PKNOX1: variants seen among roughly 807,000 people sequenced by gnomAD.
PKNOX1 encodes the protein homeobox protein PKNOX1.
Under a neutral mutation model 51.9 loss-of-function variants are expected in PKNOX1, and 15 were observed. The observed-to-expected ratio is 0.29, with a 90% CI of 0.19 to 0.45. The LOEUF (loss-of-function observed/expected upper bound fraction) is 0.45, where lower values mean the gene tolerates loss of function less well. Among genes scored for constraint, PKNOX1 ranks in the 20% least tolerant of loss-of-function variants. The pLI, the probability that PKNOX1 is intolerant of heterozygous loss-of-function variation, is 1.00. For synonymous variants in PKNOX1, 219 were observed against 211.1 expected (o/e 1.04, Z -0.32); for missense variants, 462 against 547.5 (o/e 0.84, Z 1.56).
At chr21:43,020,688 G>A (rs1161084773) in intron 7 of PKNOX1, 2 of 152,568 alleles carry the variant, frequency 1.3e-5, no homozygotes, top group Admixed American at 6.5e-5. Flanking sequence ...GCTCTTGAGA[G>A]TTGGATTTTC....
At chr21:42,986,484 G>A (rs545111400) in intron 1 of PKNOX1, among the ~76,000 whole-genome samples, 87 of 152,256 alleles carry the variant, frequency 5.7e-4, no homozygotes, top group African/African-American at 1.9e-3. Flanking sequence ...CTGGGTGACC[G>A]AGTGAGACTT....
At chr21:42,983,921 C>A (rs1601267549) in intron 1 of PKNOX1, among the ~76,000 whole-genome samples, 1 of 152,178 alleles carries the variant, frequency 6.6e-6, no homozygotes, top group South Asian at 2.1e-4. Flanking sequence ...GAGGTGGCAT[C>A]TTACTGTCAT....
chr21:43,016,094 C>T (rs759537987), intron 5 of PKNOX1, among the ~76,000 whole-genome samples: 5 of 152,224 alleles, frequency 3.3e-5, no homozygotes, highest in African/African-American at 1.2e-4. Flanking sequence ...ACATTCCGCT[C>T]GATGATGGCC....
chr21:42,987,404 A>AAAAAAAAAATATATATAT, intron 1 of PKNOX1, among the ~76,000 whole-genome samples: 5 of 41,418 alleles, frequency 1.2e-4, no homozygotes, highest in South Asian at 7.7e-4. Flanking sequence ...AAAAAAAAAA[A>AAAAAAAAAATATATATAT]ATATATATAT....
At chr21:42,997,732 T>C (rs1978570589) in intron 1 of PKNOX1, among the ~76,000 whole-genome samples, 1 of 152,146 alleles carries the variant, frequency 6.6e-6, no homozygotes, top group East Asian at 1.9e-4. Flanking sequence ...TCAGGAAGGC[T>C]TTCTGGAGAA....
At chr21:42,975,043 G>A (rs1217114857) in intron 1 of PKNOX1, among the ~76,000 whole-genome samples, 1 of 56,042 alleles carries the variant, frequency 1.8e-5, no homozygotes, top group Non-Finnish European at 3.7e-5. Context: ...CGCGCGCCCC[G>A]GCGCGGGGCG....
In PKNOX1 at chr21:43,010,028, A is replaced by T. The variant is rs79979607; in HGVS notation, c.180-25A>T. The T allele has an allele frequency of 7.8e-4, 1,151 of 1,483,628 alleles. 6 individuals carry two copies. The African/African-American group carries it at 0.014, about 18-fold the overall frequency. 91.9% of individuals were successfully genotyped at this position (1,483,628 alleles called of 1,614,324 possible). ...TCACGGAGATGTAGAACGTAAATGG[A>T]TTCTTTTTTTTCTTTTCTCCTCAGG... is the stretch of plus-strand genomic sequence containing the variant. On this transcript the variant is annotated intron_variant, in intron 3 of 10. Transcript: ENST00000291547.
intron 1 of PKNOX1, among the ~76,000 whole-genome samples, chr21:42,992,953 G>T (rs927203238): frequency 1.0e-4 from 15 of 143,640 alleles, no homozygotes; most frequent in Admixed American, 3.7e-4. Flanking sequence ...TGTCATTAGG[G>T]GGCTTTCTCA....
intron 9 of PKNOX1, among the ~76,000 whole-genome samples, chr21:43,026,444 C>A (rs1483615376): frequency 6.6e-6 from 1 of 152,086 alleles, no homozygotes; most frequent in Non-Finnish European, 1.5e-5. Context: ...CTGGTAGCAG[C>A]TTTGAATAAG....
At chr21:43,028,143 G>C (rs756323750) in intron 9 of PKNOX1, among the ~76,000 whole-genome samples, 2 of 152,188 alleles carry the variant, frequency 1.3e-5, no homozygotes, top group Non-Finnish European at 2.9e-5. Context: ...CATTGGGAAT[G>C]GTTTTTGAAA....
At chr21:43,005,855 G>A (rs2146264022) in intron 2 of PKNOX1, among the ~76,000 whole-genome samples, 1 of 152,210 alleles carries the variant, frequency 6.6e-6, no homozygotes, top group South Asian at 2.1e-4. Context: ...GTTGCTACCA[G>A]CCACCTCCTC....
At chr21:42,985,146 C>G (rs1026311516) in intron 1 of PKNOX1, among the ~76,000 whole-genome samples, 35 of 151,822 alleles carry the variant, frequency 2.3e-4, no homozygotes, top group African/African-American at 8.5e-4. Flanking sequence ...CGCCACCATG[C>G]CCGGCTAATT....
chr21:43,009,464 G>T (rs1979144654), intron 3 of PKNOX1, among the ~76,000 whole-genome samples: 1 of 151,198 alleles, frequency 6.6e-6, no homozygotes, highest in Non-Finnish European at 1.5e-5. Flanking sequence ...AAAAAAATTA[G>T]CTGGGCATCA....
At chr21:43,010,734 C>T (rs1568898464) in intron 4 of PKNOX1, among the ~76,000 whole-genome samples, 1 of 151,966 alleles carries the variant, frequency 6.6e-6, no homozygotes, top group Non-Finnish European at 1.5e-5. Flanking sequence ...CATGGTGGCA[C>T]ATGCCTGTAG....
chr21:43,028,022 C>T (rs554708853), intron 9 of PKNOX1, among the ~76,000 whole-genome samples: 5 of 152,338 alleles, frequency 3.3e-5, no homozygotes, highest in Non-Finnish European at 5.9e-5. Context: ...CTGACAGAGT[C>T]GCCAGCGTCT....
At chr21:42,981,833 T>C (rs903746751) in intron 1 of PKNOX1, among the ~76,000 whole-genome samples, 1 of 152,158 alleles carries the variant, frequency 6.6e-6, no homozygotes, top group African/African-American at 2.4e-5. Context: ...GGTGGTGAGA[T>C]AGGTGGTTCA....
In PKNOX1 at chr21:43,031,868, AT is replaced by A. The variant is rs576259420; in HGVS notation, c.*1777del. On this transcript the variant is annotated 3_prime_UTR_variant, in exon 11 of 11. Coordinates refer to ENST00000291547, the MANE Select transcript of PKNOX1 (RefSeq NM_004571.5). ...TCAAGTCTTTTGGGGAGAGAATGAC[AT>A]TTTTTTTTTGAGACAGAGTTTTGCT... 184 of 164,028 alleles carry A rather than the reference AT, an allele frequency of 1.1e-3. No homozygotes were observed. The highest frequency in any genetic ancestry group is 3.3e-3 in the South Asian group (23 of 7,046). 10.2% of individuals were successfully genotyped at this position (164,028 alleles called of 1,614,324 possible). A position where few individuals can be genotyped will look rare whatever the true frequency, so the allele number is the denominator to read the frequency against.
chr21:43,017,141 C>T lies in PKNOX1; in HGVS notation c.622+134C>T, dbSNP rs1979531983. On this transcript the variant is annotated intron_variant, in intron 6 of 10. Coordinates refer to ENST00000291547, the MANE Select transcript of PKNOX1 (RefSeq NM_004571.5). The stretch of plus-strand genomic sequence containing the variant: ...TATAGCAATGTTAGAAGCTAGAGGT[C>T]TCTGAATGCCTCTTTCTTGTTAATA... 1.8e-5 allele frequency: 9 copies of T among 511,970 alleles called. No individual in the cohort carries two copies. In the East Asian group the frequency reaches 2.4e-4, roughly 14 times the overall value. 31.7% of individuals were successfully genotyped at this position (511,970 alleles called of 1,614,324 possible).
chr21:43,025,063 T>C, intron 9 of PKNOX1, 116 bp downstream of exon 9: 6 of 692,934 alleles, frequency 8.7e-6, no homozygotes, highest in Non-Finnish European at 1.2e-5. Flanking sequence ...TTTTCTTTTT[T>C]CCCAACTGAG....
Sources: gnomAD v4.1 joint callset for allele counts (sites outside exome capture counted in the v4.1 genomes callset) on GRCh38, gnomAD v4.1.1 for gene constraint, MANE v1.5 for transcripts, NCBI Gene and HGNC (gene_info 2026-07-23, HGNC 2026-07-21) for gene names.